Variants in F12 observed in about 807,000 individuals in gnomAD.
The protein encoded by F12 is Hageman factor.
F12 carries 70 observed loss-of-function variants against 74.8 expected under a neutral mutation model. That is an observed-to-expected ratio of 0.94 (90% CI 0.77 to 1.14). The LOEUF is 1.14. Ranked by LOEUF, F12 falls within the 50% of genes most tolerant of loss-of-function variation. The pLI is 0.00. For synonymous variants in F12, 373 were observed against 356.4 expected (o/e 1.05, Z -0.52); for missense variants, 811 against 835.7 (o/e 0.97, Z 0.36).
At chr5:177,409,217 G>T in intron 1 of F12, 114 bp from the exon 2 acceptor site, 1 of 1,194,120 alleles carries the variant, frequency 8.4e-7, no homozygotes. Flanking sequence ...TTCTTCCCAA[G>T]ACCCAAACCC....
chr5:177,403,851 G>A lies in F12; in HGVS notation c.1250+8C>T. 1 of 1,521,210 alleles carries A rather than the reference G, an allele frequency of 6.6e-7. No individual in the cohort carries two copies. The highest frequency in any genetic ancestry group is 8.8e-7 in the Non-Finnish European group (1 of 1,134,760). 94.2% of individuals were successfully genotyped at this position (1,521,210 alleles called of 1,614,324 possible). ...CCCTGGGGCGGCTCTGGGCGGGCGG[G>A]TACTCGCCGGTCCTGCAGGCAGTGA... is the stretch of plus-strand genomic sequence containing the variant. On this transcript the variant is annotated splice_region_variant and intron_variant, in intron 10 of 13. Transcript: ENST00000253496.
rs762500671 is a variant in F12, at chr5:177,402,590, A to C, written c.1640T>G (p.Leu547Arg). ...GCCGCCCTCGAGGAACCCTGCGCAG[A>C]GCATGCCGGGGAGGATGGAGGATCC... ...VHGSSILPGMLCAGFLEGGTD... is the reference protein window; with the variant it reads ...VHGSSILPGMRCAGFLEGGTD... The change falls in exon 13 of 14, where the codon CTC becomes CGC. Residue 547 changes from leucine (L) to arginine (R), a missense_variant. Physicochemically the swap from Leu to Arg is moderately radical, Grantham distance 102. Transcript: ENST00000253496. 2 of 1,613,158 alleles carry C rather than the reference A, an allele frequency of 1.2e-6. No individual in the cohort carries two copies. Among genetic ancestry groups the C allele is most frequent in the East Asian group, 4.5e-5 (2 of 44,880 alleles).
rs763456302 is a variant in F12 at position 177,404,815 on chromosome 5, T to C, written c.629A>G (p.Asp210Gly). Residue 210 changes from aspartate to glycine, a missense_variant, in exon 7 of 14, where the codon GAC (aspartate) becomes GGC (glycine). Coordinates refer to ENST00000253496, the MANE Select transcript of F12 (RefSeq NM_000505.4). The part of the protein sequence containing the change: ...CPVGYTGAFC[D>G]VDTKASCYDG... ...TGCCCCAGACCCTCACTCACCCACG[T>C]CGCAGAAGGCTCCGGTGTAGCCCAC... The C allele has an allele frequency of 1.2e-6, 2 of 1,605,862 alleles. No individual in the cohort carries two copies. The highest frequency in any genetic ancestry group is 2.2e-5 in the South Asian group (2 of 90,018).
Position 177,405,134 on chromosome 5 carries a change from CAT to C in F12, c.447_448del (p.Ile149MetfsTer3), listed in dbSNP as rs1460803702. 6.2e-7 allele frequency: 1 copy of C among 1,613,830 alleles called. No homozygotes were observed. Among genetic ancestry groups the C allele is most frequent in the Non-Finnish European group, 8.5e-7 (1 of 1,180,050 alleles). The stretch of plus-strand genomic sequence containing the variant: ...CACAGCTGCTTGCTCAGTTCTATAC[CAT>C]ATCTCATTCTTGTGGAAAAACCGGA... On this transcript the variant is annotated frameshift_variant, in exon 6 of 14. Transcript: ENST00000253496. LOFTEE classifies it high-confidence loss of function.
In F12 at chr5:177,403,948, G is replaced by C. The variant is rs1298796063; in HGVS notation, c.1161C>G (p.Ile387Met). The change falls in exon 10 of 14, where the codon ATC becomes ATG. Residue 387 changes from isoleucine to methionine, a missense_variant. By Grantham distance (10) the Ile-to-Met change is conservative. Transcript: ENST00000253496. ...LVALRGAHPY[I>M]AALYWGHSFC... ...AACTGTGGCCCCAGTACAGCGCGGCGATGTAGGGGTGCGCCCCGCGTAGCG... is the reference window on the plus strand; with the variant it reads ...AACTGTGGCCCCAGTACAGCGCGGCCATGTAGGGGTGCGCCCCGCGTAGCG... The C allele has an allele frequency of 1.9e-6, 3 of 1,601,360 alleles. No individual in the cohort carries two copies. The highest frequency in any genetic ancestry group is 3.3e-4 in the Middle Eastern group (2 of 6,048).
At chr5:177,408,462 A>G (rs1763338630) in intron 2 of F12, among the ~76,000 whole-genome samples, 1 of 152,208 alleles carries the variant, frequency 6.6e-6, no homozygotes, top group Admixed American at 6.5e-5. Context: ...TTTCATAATA[A>G]AAGCTAATAT....
chr5:177,408,180 C>T (rs1009938687), intron 2 of F12, among the ~76,000 whole-genome samples: 3 of 152,088 alleles, frequency 2.0e-5, no homozygotes, highest in Non-Finnish European at 2.9e-5. Flanking sequence ...CTCAGCCTCC[C>T]GAGTAGCTGG....
rs1763264266 is a variant in F12 at position 177,405,303 on chromosome 5, G to A, written c.397+20C>T. The stretch of plus-strand genomic sequence containing the variant: ...CCCCTGTCCCCCAGCACCCCGCCCA[G>A]GTCCTCCACATCTCCTCACCTTTCT... On this transcript the variant is annotated intron_variant, in intron 5 of 13. Transcript: ENST00000253496. 6.2e-7 allele frequency: 1 copy of A among 1,613,694 alleles called. No individual in the cohort carries two copies. Among genetic ancestry groups the A allele is most frequent in the Non-Finnish European group, 8.5e-7 (1 of 1,179,890 alleles).
Position 177,405,973 on chromosome 5 carries a change from G to C in F12, c.204C>G (p.Gly68=). ...YHKCTHKGRP[G]PQPWCATTPN... Reference sequence around the variant, plus strand: ...CTGCGTAGTCTTACCAGGGCTGAGGGCCTGGCCGGCCCTTGTGGGTACATT... The same window carrying C: ...CTGCGTAGTCTTACCAGGGCTGAGGCCCTGGCCGGCCCTTGTGGGTACATT... The change falls in exon 3 of 14, where the codon GGC becomes GGG. Residue 68 remains glycine (G), a synonymous_variant. Coordinates refer to ENST00000253496, the MANE Select transcript of F12 (RefSeq NM_000505.4). 1 of 1,613,938 alleles carries C rather than the reference G, an allele frequency of 6.2e-7. No homozygotes were observed.
Position 177,402,597 on chromosome 5 carries a change from C to G in F12, c.1633G>C (p.Gly545Arg), listed in dbSNP as rs751037048. ...TCGAGGAACCCTGCGCAGAGCATGC[C>G]GGGGAGGATGGAGGATCCGTGCACG... is the stretch of plus-strand genomic sequence containing the variant. ...PDVHGSSILP[G>R]MLCAGFLEGG... The change falls in exon 13 of 14, where the codon GGC becomes CGC. Residue 545 changes from glycine (G) to arginine (R), a missense_variant. Gly to Arg is a moderately radical substitution (Grantham distance 125, BLOSUM62 -2). Transcript: ENST00000253496. 2.5e-6 allele frequency: 4 copies of G among 1,613,116 alleles called. No individual in the cohort carries two copies. The highest frequency in any genetic ancestry group is 1.1e-5 in the South Asian group (1 of 91,046).
chr5:177,402,346 G>A lies in F12; in HGVS notation c.1794C>T (p.Val598=). 1 of 1,613,860 alleles carries A rather than the reference G, an allele frequency of 6.2e-7. No homozygotes were observed. The highest frequency in any genetic ancestry group is 1.6e-4 in the Middle Eastern group (1 of 6,062). Residue 598 remains valine, a synonymous_variant, in exon 14 of 14, where the codon GTC becomes GTT. Coordinates refer to ENST00000253496, the MANE Select transcript of F12 (RefSeq NM_000505.4). ...CCAGGTAGTAGGCCACATCGGTGTA[G>A]ACGCCTGGCTTGTTGCGGTCACCAC... ...SGCGDRNKPG[V]YTDVAYYLAW... is the part of the protein sequence containing the mutation.
Position 177,404,409 on chromosome 5 carries a change from G to C in F12, c.805C>G (p.Pro269Ala), listed in dbSNP as rs765110864. The change falls in exon 9 of 14, where the codon CCG becomes GCG. Residue 269 changes from proline to alanine, a missense_variant. By Grantham distance (27) the Pro-to-Ala change is conservative. Coordinates refer to ENST00000253496, the MANE Select transcript of F12 (RefSeq NM_000505.4). Reference sequence around the variant, plus strand: ...CACCACGGGCGGATGTCGTTGTCCGGGTTCCTGTAGCCACACGACGGGGCG... The same window carrying C: ...CACCACGGGCGGATGTCGTTGTCCGCGTTCCTGTAGCCACACGACGGGGCG... Reference protein sequence around the residue: ...GLGGHAFCRNPDNDIRPWCFV... With the variant: ...GLGGHAFCRNADNDIRPWCFV... 6.2e-7 allele frequency: 1 copy of C among 1,611,682 alleles called. No individual in the cohort carries two copies. The highest frequency in any genetic ancestry group is 2.2e-5 in the East Asian group (1 of 44,822).
In F12 at chr5:177,403,528, T is replaced by C. The variant is rs760967676; in HGVS notation, c.1340A>G (p.Tyr447Cys). The C allele has an allele frequency of 6.9e-6, 11 of 1,588,846 alleles. No homozygotes were observed. The highest frequency in any genetic ancestry group is 1.8e-5 in the Admixed American group (1 of 56,902). The change falls in exon 11 of 14, where the codon TAC becomes TGC. Residue 447 changes from tyrosine (Y) to cysteine (C), a missense_variant. Coordinates refer to ENST00000253496, the MANE Select transcript of F12 (RefSeq NM_000505.4). ...EPCQTLAVRS[Y>C]RLHEAFSPVS... is the part of the protein sequence containing the mutation. ...GGGCGAGAAGGCCTCGTGCAAGCGG[T>C]AGGAGCGCACGGCCAACGTCTGGCA...
In F12 at chr5:177,404,262, C is replaced by A; in HGVS notation, c.952G>T (p.Ala318Ser). Reference sequence around the variant, plus strand: ...TGAGGCTTCGGCGGTGCCGGCTGCGCGGGCATGAGTGGGACATGAAGCCTA... The same window carrying A: ...TGAGGCTTCGGCGGTGCCGGCTGCGAGGGCATGAGTGGGACATGAAGCCTA... ...SPRLHVPLMP[A>S]QPAPPKPQPT... is the part of the protein sequence containing the mutation. Residue 318 changes from alanine (A) to serine (S), a missense_variant, in exon 9 of 14, where the codon GCG becomes TCG. Transcript: ENST00000253496. The A allele has an allele frequency of 6.3e-7, 1 of 1,595,308 alleles. No homozygotes were observed. Among genetic ancestry groups the A allele is most frequent in the African/African-American group, 1.3e-5 (1 of 74,584 alleles).
At chr5:177,405,694 A>T in intron 4 of F12, 41 bp downstream of exon 4, 1 of 1,588,154 alleles carries the variant, frequency 6.3e-7, no homozygotes, top group South Asian at 1.1e-5. Context: ...ATGAGGCGGG[A>T]GGAGAGAGCC....
rs747690699 is a variant in F12 at position 177,404,768 on chromosome 5, A to T, written c.634+42T>A. On this transcript the variant is annotated intron_variant, in intron 7 of 13. Coordinates refer to ENST00000253496, the MANE Select transcript of F12 (RefSeq NM_000505.4). ...TCCTCCTTCCTGGCAAGCCCGTCCC[A>T]CCTGGGGGCTGGCCTTCTGCTTGCC... is the stretch of plus-strand genomic sequence containing the variant. 1.1e-5 allele frequency: 17 copies of T among 1,588,274 alleles called. No individual in the cohort carries two copies. In the Admixed American group the frequency reaches 3.0e-4, roughly 28 times the overall value.
intron 4 of F12, 80 bp downstream of exon 4, chr5:177,405,655 G>C: frequency 7.1e-7 from 1 of 1,414,940 alleles, no homozygotes. Context: ...AATCCCAGGT[G>C]TGTGGGGTCT....
In F12 at chr5:177,403,848, C is replaced by A; in HGVS notation, c.1250+11G>T. Reference sequence around the variant, plus strand: ...GGCCCCTGGGGCGGCTCTGGGCGGGCGGGTACTCGCCGGTCCTGCAGGCAG... The same window carrying A: ...GGCCCCTGGGGCGGCTCTGGGCGGGAGGGTACTCGCCGGTCCTGCAGGCAG... On this transcript the variant is annotated intron_variant, in intron 10 of 13. Transcript: ENST00000253496. The A allele has an allele frequency of 6.6e-7, 1 of 1,515,742 alleles. No homozygotes were observed. The highest frequency in any genetic ancestry group is 8.8e-7 in the Non-Finnish European group (1 of 1,131,814). The allele number at this position is 1,515,742 out of a possible 1,614,324, so 93.9% of individuals were successfully genotyped here.
At chr5:177,406,568 A>C (rs1349598246) in intron 2 of F12, among the ~76,000 whole-genome samples, 1 of 152,062 alleles carries the variant, frequency 6.6e-6, no homozygotes, top group Non-Finnish European at 1.5e-5. Flanking sequence ...TAGCTGTGTG[A>C]CCTTGGGTAA....
Sources: allele counts gnomAD v4.1 joint callset (sites outside exome capture counted in the v4.1 genomes callset), GRCh38; gene constraint gnomAD v4.1.1; transcripts MANE v1.5; gene names NCBI Gene and HGNC (gene_info 2026-07-23, HGNC 2026-07-21).